The following MAF variants were observed in gnomAD, a reference collection of about 807,000 sequenced individuals.
The protein encoded by MAF is MAF bZIP transcription factor.
MAF carries 10 observed loss-of-function variants against 22.0 expected under a neutral mutation model. That is an observed-to-expected ratio of 0.45 (90% CI 0.28 to 0.77). MAF has a LOEUF of 0.77. Ranked by LOEUF, MAF falls within the 30% of genes least tolerant of loss-of-function variation. The pLI is 0.12. For missense variants in MAF, 544 were observed against 548.4 expected, an observed-to-expected ratio of 0.99 and a Z score of 0.08; for synonymous variants, 337 against 255.8, an observed-to-expected ratio of 1.32 and a Z score of -3.03.
chr16:79,369,743 G>A, the MAF span, among the ~76,000 whole-genome samples: 45,495 of 152,174 alleles, frequency 0.3, 8,131 homozygotes, highest in Non-Finnish European at 0.42. Flanking sequence ...CTCAGCCACT[G>A]CTAATGCTTC....
At chr16:79,387,379 C>A in the MAF span, among the ~76,000 whole-genome samples, 1 of 152,164 alleles carries the variant, frequency 6.6e-6, no homozygotes, top group Non-Finnish European at 1.5e-5. Context: ...TCCTTACTAG[C>A]TAGATGGAAA....
At chr16:79,418,498 A>G in the MAF span, among the ~76,000 whole-genome samples, 1 of 152,150 alleles carries the variant, frequency 6.6e-6, no homozygotes, top group African/African-American at 2.4e-5. Context: ...TTCCGATGGT[A>G]ATTTGGAACA....
At chr16:79,280,271 G>A in the MAF span, among the ~76,000 whole-genome samples, 55 of 152,334 alleles carry the variant, frequency 3.6e-4, 2 homozygotes, top group East Asian at 9.1e-3. Flanking sequence ...TGTAAATGCC[G>A]GGAGAAGAGA....
At chr16:79,233,133 C>T in the MAF span, among the ~76,000 whole-genome samples, 1 of 152,016 alleles carries the variant, frequency 6.6e-6, no homozygotes, top group African/African-American at 2.4e-5. Context: ...AACCACCGCG[C>T]CCGGCCTTGA....
the MAF span, among the ~76,000 whole-genome samples, chr16:79,355,831 C>T: frequency 6.6e-6 from 1 of 152,010 alleles, no homozygotes; most frequent in Non-Finnish European, 1.5e-5. Flanking sequence ...TGGTGGGGTC[C>T]TAAGTCTTCA....
chr16:79,411,648 A>G, the MAF span, among the ~76,000 whole-genome samples: 1 of 152,330 alleles, frequency 6.6e-6, no homozygotes, highest in Non-Finnish European at 1.5e-5. Context: ...TAGCTGTGTG[A>G]TGCCAGACAT....
the MAF span, among the ~76,000 whole-genome samples, chr16:79,392,496 G>GGA: frequency 3.3e-3 from 484 of 148,284 alleles, 1 homozygote; most frequent in African/African-American, 1.0e-2. Flanking sequence ...AGAGATAGGA[G>GGA]GAGAGAGAGA....
At chr16:79,292,563 T>C in the MAF span, among the ~76,000 whole-genome samples, 7 of 152,246 alleles carry the variant, frequency 4.6e-5, no homozygotes, top group South Asian at 1.5e-3. Flanking sequence ...AACTCAGAAG[T>C]ATGTATTACC....
At chr16:79,387,735 T>C in the MAF span, among the ~76,000 whole-genome samples, 1 of 152,232 alleles carries the variant, frequency 6.6e-6, no homozygotes, top group Admixed American at 6.5e-5. Flanking sequence ...ATATCTGAGA[T>C]TCATTTCCAA....
At chr16:79,231,083 C>T in the MAF span, among the ~76,000 whole-genome samples, 1 of 151,940 alleles carries the variant, frequency 6.6e-6, no homozygotes, top group Non-Finnish European at 1.5e-5. Context: ...ATTAGTTTTG[C>T]CCCAGGAAAA....
the MAF span, among the ~76,000 whole-genome samples, chr16:79,577,274 G>C: frequency 6.6e-6 from 1 of 152,152 alleles, no homozygotes; most frequent in Admixed American, 6.5e-5. Flanking sequence ...CAAAGACGGA[G>C]AGGAGGGCAC....
At chr16:79,315,618 G>A in the MAF span, among the ~76,000 whole-genome samples, 2 of 152,188 alleles carry the variant, frequency 1.3e-5, no homozygotes, top group African/African-American at 4.8e-5. Flanking sequence ...AATACTGAGT[G>A]ATGAATCTAG....
the MAF span, among the ~76,000 whole-genome samples, chr16:79,510,955 G>A: frequency 6.6e-6 from 1 of 152,176 alleles, no homozygotes; most frequent in Non-Finnish European, 1.5e-5. Context: ...ATCAGCACTG[G>A]TTGCAGAAAA....
chr16:79,224,805 G>A, the MAF span, among the ~76,000 whole-genome samples: 2 of 152,046 alleles, frequency 1.3e-5, no homozygotes, highest in South Asian at 2.1e-4. Context: ...AACTTACAAG[G>A]GATTATGAAA....
At chr16:79,265,811 C>T in the MAF span, among the ~76,000 whole-genome samples, 3 of 152,110 alleles carry the variant, frequency 2.0e-5, no homozygotes, top group East Asian at 1.9e-4. Flanking sequence ...GCCAGCATCT[C>T]GACTCTAGTT....
At position 79,599,464 on chromosome 16, in the gene MAF, C is replaced by G; in HGVS notation, c.439G>C (p.Gly147Arg). ...QLAAAAGAGA[G>R]ASLGGSGEEM... ...TCGCCGCTGCCGCCCAAGGAGGCGC[C>G]GGCACCGGCCCCGGCCGCCGCGGCC... Residue 147 changes from glycine (G) to arginine (R), a missense_variant, in exon 1 of 2, where the codon GGC becomes CGC. Coordinates refer to ENST00000326043, the MANE Select transcript of MAF (RefSeq NM_005360.5). 7.4e-7 allele frequency: 1 copy of G among 1,347,248 alleles called. No homozygotes were observed. Among genetic ancestry groups the G allele is most frequent in the Non-Finnish European group, 9.4e-7 (1 of 1,059,374 alleles). 83.5% of individuals were successfully genotyped at this position (1,347,248 alleles called of 1,614,324 possible).
chr16:79,279,942 C>T, the MAF span, among the ~76,000 whole-genome samples: 2 of 152,074 alleles, frequency 1.3e-5, no homozygotes, highest in African/African-American at 2.4e-5. Context: ...GGGGCTTGCC[C>T]GGGACACAGT....
the MAF span, among the ~76,000 whole-genome samples, chr16:79,389,871 G>C: frequency 1.3e-5 from 2 of 150,694 alleles, no homozygotes; most frequent in East Asian, 3.9e-4. Flanking sequence ...AGCTACTAGG[G>C]AGGCTGAGGC....
chr16:79,229,783 G>A, the MAF span, among the ~76,000 whole-genome samples: 1 of 152,166 alleles, frequency 6.6e-6, no homozygotes, highest in East Asian at 1.9e-4. Flanking sequence ...TCACTTCGAA[G>A]TGAAAGATGC....
Sources: gnomAD v4.1 joint callset for allele counts (sites outside exome capture counted in the v4.1 genomes callset) on GRCh38, gnomAD v4.1.1 for gene constraint, MANE v1.5 for transcripts, NCBI Gene and HGNC (gene_info 2026-07-23, HGNC 2026-07-21) for gene names.